PCDHA2: variants seen among roughly 807,000 people sequenced by gnomAD.
The protein encoded by PCDHA2 is protocadherin alpha-2.
In PCDHA2, 58 loss-of-function variants were observed where a neutral mutation model predicts 66.0. The observed-to-expected ratio is 0.88, with a 90% CI of 0.71 to 1.09. The LOEUF is 1.09. PCDHA2 is among the 50% of genes least tolerant of loss of function. The pLI is 0.00. For missense variants in PCDHA2, 1,267 were observed against 1,242.3 expected (o/e 1.02, Z -0.30); for synonymous variants, 634 against 554.0 (o/e 1.14, Z -2.03).
At chr5:140,871,086 G>T (rs556097993) in intron 1 of PCDHA2, 15 of 1,613,256 alleles carry the variant, frequency 9.3e-6, no homozygotes, top group Non-Finnish European at 1.1e-5. Context: ...TGACGGCCAC[G>T]GCCACCGTGC....
intron 2 of PCDHA2, among the ~76,000 whole-genome samples, chr5:140,979,661 GTCTC>G (rs2096859733): frequency 6.6e-6 from 1 of 152,146 alleles, no homozygotes; most frequent in South Asian, 2.1e-4. Context: ...TCTCTACTTT[GTCTC>G]TCTGACAGTA....
At position 140,795,228 on chromosome 5, in the gene PCDHA2, T is replaced by G. The variant is rs1554119306; in HGVS notation, c.264T>G (p.Ser88=). The G allele has an allele frequency of 6.2e-7, 1 of 1,614,220 alleles. No homozygotes were observed. Among genetic ancestry groups the G allele is most frequent in the South Asian group, 1.1e-5 (1 of 91,084 alleles). ...AGAATGGCATTTTGTTTGTGAATTC[T>G]CGGATCGACCGGGAGGAGCTGTGCG... ...NLQNGILFVN[S]RIDREELCGR... Residue 88 remains serine (S), a synonymous_variant, in exon 1 of 4, where the codon TCT becomes TCG. Transcript: ENST00000526136.
chr5:140,849,843 G>C (rs2150453087), intron 1 of PCDHA2: 3 of 1,598,500 alleles, frequency 1.9e-6, no homozygotes, highest in Non-Finnish European at 1.7e-6. Flanking sequence ...CGACGTGAAC[G>C]ACAACGCACC....
intron 1 of PCDHA2, chr5:140,926,719 A>C: frequency 2.0e-6 from 2 of 986,548 alleles, no homozygotes; most frequent in Non-Finnish European, 2.7e-6. Context: ...AGCCCCGGCA[A>C]TGCCGGCGTT....
At position 140,796,407 on chromosome 5, in the gene PCDHA2, T is replaced by C; in HGVS notation, c.1443T>C (p.Asp481=). ...GCHIFTVSAW[D]ADAQENALVS... ...ACATCTTCACGGTGTCAGCGTGGGA[T>C]GCGGACGCGCAGGAGAACGCGCTGG... The change falls in exon 1 of 4, where the codon GAT becomes GAC. Residue 481 remains aspartate (D), a synonymous_variant. Coordinates refer to ENST00000526136, the MANE Select transcript of PCDHA2 (RefSeq NM_018905.3). The C allele has an allele frequency of 1.2e-6, 2 of 1,613,756 alleles. No individual in the cohort carries two copies. The highest frequency in any genetic ancestry group is 1.7e-6 in the Non-Finnish European group (2 of 1,179,948).
chr5:140,971,468 A>C (rs938390548), intron 1 of PCDHA2, among the ~76,000 whole-genome samples: 7 of 152,174 alleles, frequency 4.6e-5, no homozygotes, highest in African/African-American at 7.2e-5. Context: ...AGTTATAGGG[A>C]GAGAGTGTCA....
At chr5:140,852,575 C>G (rs913886842) in intron 1 of PCDHA2, 6 of 798,922 alleles carry the variant, frequency 7.5e-6, no homozygotes, top group African/African-American at 1.9e-5. Flanking sequence ...TGTGCCAAGG[C>G]TTTTTTATTT....
chr5:140,969,201 G>A (rs2096306183), intron 1 of PCDHA2: 2 of 1,614,110 alleles, frequency 1.2e-6, no homozygotes, highest in Non-Finnish European at 1.7e-6. Context: ...TACAATACAG[G>A]GGCCCAGACA....
chr5:140,857,703 T>C (rs782327503), intron 1 of PCDHA2: 6 of 1,597,222 alleles, frequency 3.8e-6, no homozygotes, highest in Middle Eastern at 1.8e-4. Flanking sequence ...ACGCTGCAGG[T>C]GTTCGTGCTG....
At chr5:140,808,379 G>T (rs1425307568) in intron 1 of PCDHA2, 15 of 1,614,190 alleles carry the variant, frequency 9.3e-6, no homozygotes, top group African/African-American at 1.3e-5. Context: ...CTTCAAGCTG[G>T]TGTCCACCTT....
chr5:140,853,169 G>C lies in PCDHA2; in HGVS notation c.2388+55817G>C, dbSNP rs1002466846. 32 of 959,704 alleles carry C rather than the reference G, an allele frequency of 3.3e-5. 1 individual carries two copies. The South Asian group carries it at 1.3e-3, about 40-fold the overall frequency. 59.4% of individuals were successfully genotyped at this position (959,704 alleles called of 1,614,324 possible). ...GCTGGGATTACAGGCGTGAGCCACC[G>C]CGCCTGGCCTAAAATGTGTTCTTTA... On this transcript the variant is annotated intron_variant, in intron 1 of 3. Transcript: ENST00000526136.
intron 1 of PCDHA2, among the ~76,000 whole-genome samples, chr5:140,879,020 TATTG>T (rs1366518511): frequency 6.6e-6 from 1 of 152,230 alleles, no homozygotes; most frequent in African/African-American, 2.4e-5. Context: ...GATAATGTTT[TATTG>T]AAGAGTGTCT....
chr5:140,824,904 GT>G (rs1353981890), intron 1 of PCDHA2: 6 of 152,018 alleles, frequency 3.9e-5, no homozygotes, highest in Non-Finnish European at 7.4e-5. Flanking sequence ...TGCCTAAGCA[GT>G]TCACCTGTAT....
At chr5:140,801,235 G>A in intron 1 of PCDHA2, 1 of 1,612,956 alleles carries the variant, frequency 6.2e-7, no homozygotes, top group Non-Finnish European at 8.5e-7. Flanking sequence ...GGAGCCCAGT[G>A]CCTGCTGCTT....
In PCDHA2 at chr5:140,928,366, C is replaced by T. The variant is rs73793524; in HGVS notation, c.2389-50583C>T. 1.5e-3 allele frequency: 2,439 copies of T among 1,614,110 alleles called. 35 individuals carry two copies. In the African/African-American group the frequency reaches 0.03, roughly 20 times the overall value. ...GCTGTTGGATGTTATCTCTGAAGGG[C>T]CATCAGCCTCTAGCTTGCTGGCAGT... On this transcript the variant is annotated intron_variant, in intron 1 of 3. Coordinates refer to ENST00000526136, the MANE Select transcript of PCDHA2 (RefSeq NM_018905.3).
chr5:140,882,917 G>A, intron 1 of PCDHA2: 1 of 1,614,218 alleles, frequency 6.2e-7, no homozygotes, highest in Non-Finnish European at 8.5e-7. Context: ...AGCCAGTGAT[G>A]GAGGTAAACC....
chr5:140,966,740 C>T lies in PCDHA2; in HGVS notation c.2389-12209C>T, dbSNP rs782420339. 10 of 1,422,580 alleles carry T rather than the reference C, an allele frequency of 7.0e-6. No individual in the cohort carries two copies. In the Admixed American group the frequency reaches 8.4e-5, roughly 12 times the overall value. 88.1% of individuals were successfully genotyped at this position (1,422,580 alleles called of 1,614,324 possible). ...GGAAGCTGCCGCCTCCGGCCCTGCC[C>T]GGCTGCCTCCGCCGCGGCCAGTGGC... On this transcript the variant is annotated intron_variant, in intron 1 of 3. Transcript: ENST00000526136.
rs113142258 is a variant in PCDHA2, at chr5:140,939,756, T to C, written c.2389-39193T>C. 3.3e-3 allele frequency among the ~76,000 whole-genome samples: 504 copies of C among 152,358 alleles called. 2 individuals carry two copies. Among genetic ancestry groups the C allele is most frequent in the African/African-American group, 0.012 (483 of 41,584 alleles). Reference sequence around the variant, plus strand: ...AGCTGTGTATCATTCATTGTCATTATATAGTATTTCAGGGTGTGAATGGTC... The same window carrying C: ...AGCTGTGTATCATTCATTGTCATTACATAGTATTTCAGGGTGTGAATGGTC... On this transcript the variant is annotated intron_variant, in intron 1 of 3. Transcript: ENST00000526136.
At chr5:140,803,381 C>T (rs376460699) in intron 1 of PCDHA2, 1 of 1,614,094 alleles carries the variant, frequency 6.2e-7, no homozygotes, top group African/African-American at 1.3e-5. Context: ...CGCCGCCAAC[C>T]GAAGGCGACT....
Sources: gnomAD v4.1 joint callset for allele counts (sites outside exome capture counted in the v4.1 genomes callset) on GRCh38, gnomAD v4.1.1 for gene constraint, MANE v1.5 for transcripts, NCBI Gene and HGNC (gene_info 2026-07-23, HGNC 2026-07-21) for gene names.